Variants in KCNIP4 observed in about 807,000 individuals in gnomAD.
KCNIP4 encodes the protein Kv channel-interacting protein 4.
A neutral mutation model predicts 34.0 loss-of-function variants in KCNIP4; 12 were observed. That is an observed-to-expected ratio of 0.35 (90% CI 0.23 to 0.57). The LOEUF (loss-of-function observed/expected upper bound fraction) is 0.57, where lower values mean the gene tolerates loss of function less well. KCNIP4 is among the 20% of genes least tolerant of loss of function. The pLI is 0.83. For synonymous variants in KCNIP4, 124 were observed against 102.2 expected (o/e 1.21, Z -1.29); for missense variants, 238 against 311.7 (o/e 0.76, Z 1.78).
At chr4:21,635,968 G>T (rs1437990296) in intron 1 of KCNIP4, among the ~76,000 whole-genome samples, 1 of 151,942 alleles carries the variant, frequency 6.6e-6, no homozygotes, top group East Asian at 1.9e-4. Context: ...CATAAAAAAT[G>T]ATGAGTTCAT....
intron 1 of KCNIP4, among the ~76,000 whole-genome samples, chr4:21,820,818 T>C (rs764372802): frequency 2.6e-5 from 4 of 152,150 alleles, no homozygotes; most frequent in Non-Finnish European, 4.4e-5. Flanking sequence ...GGGCTGTTCA[T>C]ATGCAAAGAA....
At chr4:20,802,715 T>C (rs1428478129) in intron 3 of KCNIP4, among the ~76,000 whole-genome samples, 1 of 152,180 alleles carries the variant, frequency 6.6e-6, no homozygotes, top group Non-Finnish European at 1.5e-5. Context: ...AAAAACGTTG[T>C]TGTGGAAATT....
rs58465908 is a variant in KCNIP4, at chr4:21,247,735, GATATAT to G, written c.62-365032_62-365027del. Among the ~76,000 whole-genome samples the G allele has an allele frequency of 2.6e-4, 16 of 61,362 alleles. 1 individual carries two copies. Among genetic ancestry groups the G allele is most frequent in the Admixed American group, 1.7e-3 (9 of 5,410 alleles). The allele number at this position is 61,362 out of a possible 152,430, so 40.3% of individuals were successfully genotyped here. On this transcript the variant is annotated intron_variant, in intron 1 of 8. Coordinates refer to ENST00000382152, the MANE Select transcript of KCNIP4 (RefSeq NM_025221.6). ...GCAAAGCAAAAGCAATCCACAGGTGGATATATATATATATATATATATATACACCCC... is the reference window on the plus strand; with the variant it reads ...GCAAAGCAAAAGCAATCCACAGGTGGATATATATATATATATATACACCCC...
chr4:21,100,606 C>G (rs544280997), intron 1 of KCNIP4, among the ~76,000 whole-genome samples: 10 of 152,090 alleles, frequency 6.6e-5, no homozygotes, highest in African/African-American at 1.2e-4. Context: ...CTTCAGCAAC[C>G]ATCCCTGATC....
At chr4:21,210,417 T>G (rs961850161) in intron 1 of KCNIP4, among the ~76,000 whole-genome samples, 2 of 152,150 alleles carry the variant, frequency 1.3e-5, no homozygotes, top group African/African-American at 4.8e-5. Context: ...TAAGTTCCAT[T>G]GAAAGCTAGA....
At chr4:21,470,711 C>T (rs1300984528) in intron 1 of KCNIP4, among the ~76,000 whole-genome samples, 1 of 152,036 alleles carries the variant, frequency 6.6e-6, no homozygotes. Context: ...AGGGTAATTA[C>T]AACCCCAAAG....
intron 1 of KCNIP4, among the ~76,000 whole-genome samples, chr4:21,318,037 C>A (rs1383269685): frequency 6.6e-6 from 1 of 152,174 alleles, no homozygotes; most frequent in African/African-American, 2.4e-5. Context: ...GTCTTTAAAT[C>A]CGATTTATAA....
intron 1 of KCNIP4, among the ~76,000 whole-genome samples, chr4:21,141,721 A>G (rs907796356): frequency 1.3e-5 from 2 of 152,172 alleles, no homozygotes; most frequent in East Asian, 1.9e-4. Flanking sequence ...AAATATTTCA[A>G]TGTAAAAGAA....
chr4:20,915,791 A>G (rs111671348), intron 1 of KCNIP4, among the ~76,000 whole-genome samples: 1 of 152,198 alleles, frequency 6.6e-6, no homozygotes, highest in Non-Finnish European at 1.5e-5. Context: ...AATATTTGAC[A>G]ACATCACTCT....
intron 1 of KCNIP4, among the ~76,000 whole-genome samples, chr4:21,686,514 C>G (rs1359062801): frequency 6.6e-6 from 1 of 152,018 alleles, no homozygotes. Flanking sequence ...TATACATATA[C>G]TATGTTCCCC....
intron 1 of KCNIP4, among the ~76,000 whole-genome samples, chr4:21,423,099 C>A (rs1055848927): frequency 6.6e-6 from 1 of 152,112 alleles, no homozygotes; most frequent in African/African-American, 2.4e-5. Context: ...TCTTGGAAGT[C>A]AAGAGATAGC....
intron 1 of KCNIP4, among the ~76,000 whole-genome samples, chr4:20,951,531 T>G (rs1249749931): frequency 1.3e-5 from 2 of 152,224 alleles, no homozygotes; most frequent in African/African-American, 4.8e-5. Flanking sequence ...CTTCTGGTCA[T>G]GTAGTTTCCT....
intron 1 of KCNIP4, among the ~76,000 whole-genome samples, chr4:21,796,251 T>A (rs1421708517): frequency 1.3e-5 from 2 of 152,148 alleles, no homozygotes; most frequent in Non-Finnish European, 2.9e-5. Flanking sequence ...TTTTTCTCTT[T>A]CTCAATTATC....
intron 1 of KCNIP4, among the ~76,000 whole-genome samples, chr4:21,037,258 A>G (rs1741534270): frequency 6.6e-6 from 1 of 152,224 alleles, no homozygotes. Context: ...TATAAAGTCT[A>G]CAGGAGTTTA....
intron 1 of KCNIP4, among the ~76,000 whole-genome samples, chr4:20,900,705 T>C (rs1727072312): frequency 6.6e-6 from 1 of 152,124 alleles, no homozygotes; most frequent in African/African-American, 2.4e-5. Context: ...CTTAGGCTAC[T>C]AGTTACTGAG....
chr4:21,050,757 T>A lies in KCNIP4; in HGVS notation c.62-168048A>T, dbSNP rs369326047. Among the ~76,000 whole-genome samples the A allele has an allele frequency of 8.5e-5, 13 of 152,322 alleles. No homozygotes were observed. The East Asian group carries it at 2.3e-3, about 27-fold the overall frequency. ...CACTCAGGTTCAGAAATACCAAATT[T>A]ATCTTAAGACATTCTAATTAGGCAA... is the stretch of plus-strand genomic sequence containing the variant. On this transcript the variant is annotated intron_variant, in intron 1 of 8. Coordinates refer to ENST00000382152, the MANE Select transcript of KCNIP4 (RefSeq NM_025221.6).
intron 1 of KCNIP4, among the ~76,000 whole-genome samples, chr4:21,548,493 C>CATATAA (rs1738312562): frequency 2.6e-5 from 4 of 151,960 alleles, no homozygotes; most frequent in Admixed American, 2.0e-4. Context: ...AATAACACAT[C>CATATAA]ACTGTTGCAT....
intron 1 of KCNIP4, among the ~76,000 whole-genome samples, chr4:21,451,600 G>A (rs878957131): frequency 2.8e-4 from 43 of 152,246 alleles, no homozygotes; most frequent in Admixed American, 2.7e-3. Flanking sequence ...ATAGAAGTTA[G>A]TGGTAACTGC....
intron 3 of KCNIP4, among the ~76,000 whole-genome samples, chr4:20,837,204 A>G (rs1050854891): frequency 1.3e-5 from 2 of 151,382 alleles, no homozygotes; most frequent in Middle Eastern, 3.2e-3. Context: ...AGACAAGAAA[A>G]TAACTGATTA....
Sources: allele counts gnomAD v4.1 joint callset (sites outside exome capture counted in the v4.1 genomes callset), GRCh38; gene constraint gnomAD v4.1.1; transcripts MANE v1.5; gene names NCBI Gene and HGNC (gene_info 2026-07-23, HGNC 2026-07-21).